The following MCF2L2 variants were observed in gnomAD, a reference collection of about 807,000 sequenced individuals.
MCF2L2 encodes MCF.2 cell line derived transforming sequence-like 2.
A neutral mutation model predicts 150.2 loss-of-function variants in MCF2L2; 102 were observed. The ratio of observed to expected loss-of-function variants is 0.68; its 90% CI spans 0.58 to 0.80. MCF2L2 has a LOEUF of 0.80. Ranked by LOEUF, MCF2L2 falls within the 30% of genes least tolerant of loss-of-function variation. The pLI is 0.00. For missense variants in MCF2L2, 1,256 were observed against 1,372.8 expected (o/e 0.91, Z 1.34); for synonymous variants, 465 against 491.3 (o/e 0.95, Z 0.71).
chr3:183,321,153 G>A (rs1729793413), intron 6 of MCF2L2, among the ~76,000 whole-genome samples: 1 of 152,138 alleles, frequency 6.6e-6, no homozygotes, highest in African/African-American at 2.4e-5. Context: ...AAATATAACA[G>A]TTGGCCGGGT....
intron 1 of MCF2L2, among the ~76,000 whole-genome samples, chr3:183,393,645 T>C (rs1462098095): frequency 6.6e-6 from 1 of 152,244 alleles, no homozygotes; most frequent in Non-Finnish European, 1.5e-5. Context: ...TATTTTACCC[T>C]GAGCCCACAG....
chr3:183,180,227 G>A, intron 27 of MCF2L2, 68 bp from the exon 28 acceptor site: 1 of 1,006,978 alleles, frequency 9.9e-7, no homozygotes, highest in Non-Finnish European at 1.6e-6. Context: ...CCCATGGCAG[G>A]GTGTAGCAGG....
chr3:183,339,254 T>A (rs1169402963), intron 4 of MCF2L2, among the ~76,000 whole-genome samples: 2 of 152,232 alleles, frequency 1.3e-5, no homozygotes, highest in African/African-American at 4.8e-5. Context: ...ATAGCCATAC[T>A]TAATATTTCC....
chr3:183,299,675 T>C (rs1315888662), intron 11 of MCF2L2: 3 of 258,644 alleles, frequency 1.2e-5, no homozygotes, highest in Non-Finnish European at 2.2e-5. Flanking sequence ...AATATAGTGC[T>C]TGGTTCTCTG....
chr3:183,284,290 A>G lies in MCF2L2; in HGVS notation c.1776+4830T>C, dbSNP rs2108471154. On this transcript the variant is annotated intron_variant, in intron 14 of 29. Coordinates refer to ENST00000328913, the MANE Select transcript of MCF2L2 (RefSeq NM_015078.4). ...TACTAGCCTGAGAAATCCAGATCCA[A>G]CTTAATGAGTTCTCCTTTATCCCAA... 1.3e-5 allele frequency among the ~76,000 whole-genome samples: 2 copies of G among 152,318 alleles called. 1 individual carries two copies.
intron 14 of MCF2L2, among the ~76,000 whole-genome samples, chr3:183,280,801 T>G (rs1290508259): frequency 2.8e-5 from 4 of 142,834 alleles, no homozygotes; most frequent in African/African-American, 1.1e-4. Flanking sequence ...TGAGCTGAGA[T>G]CACGCCACTG....
At chr3:183,274,965 GT>G (rs763718357) in intron 15 of MCF2L2, among the ~76,000 whole-genome samples, 4,661 of 143,418 alleles carry the variant, frequency 0.032, 217 homozygotes, top group African/African-American at 0.1. Flanking sequence ...CTATAGCTTG[GT>G]TTTTTTTTTT....
chr3:183,371,479 T>G (rs1263032907), intron 3 of MCF2L2, among the ~76,000 whole-genome samples: 1 of 149,550 alleles, frequency 6.7e-6, no homozygotes, highest in Non-Finnish European at 1.5e-5. Context: ...TTTTTTTTTT[T>G]TTTTTTGAGA....
chr3:183,313,092 T>C (rs1037811913), intron 7 of MCF2L2, among the ~76,000 whole-genome samples: 2 of 152,208 alleles, frequency 1.3e-5, no homozygotes, highest in Non-Finnish European at 2.9e-5. Flanking sequence ...AGAAGTCAGG[T>C]TGCAGATGAA....
chr3:183,193,235 G>A (rs1721962752), intron 26 of MCF2L2, 139 bp from the exon 27 acceptor site: 2 of 673,050 alleles, frequency 3.0e-6, no homozygotes, highest in South Asian at 1.7e-5. Flanking sequence ...TCCCTCACCT[G>A]TAGTTGAAGA....
At chr3:183,423,305 G>C (rs1410531379) in intron 1 of MCF2L2, among the ~76,000 whole-genome samples, 1 of 152,136 alleles carries the variant, frequency 6.6e-6, no homozygotes, top group East Asian at 1.9e-4. Context: ...TCTCAGTCTA[G>C]TATTTTTCTG....
chr3:183,425,013 T>A (rs1251275320), intron 1 of MCF2L2, among the ~76,000 whole-genome samples: 1 of 152,036 alleles, frequency 6.6e-6, no homozygotes, highest in Non-Finnish European at 1.5e-5. Context: ...TAGGTGCAGG[T>A]ATTATTAAAG....
chr3:183,219,036 G>T (rs892286874), intron 21 of MCF2L2, among the ~76,000 whole-genome samples: 3 of 152,150 alleles, frequency 2.0e-5, no homozygotes, highest in South Asian at 2.1e-4. Flanking sequence ...AAAGGGAAGA[G>T]AAACCGCACT....
At chr3:183,206,890 CA>C (rs1722492214) in intron 23 of MCF2L2, among the ~76,000 whole-genome samples, 3 of 118,976 alleles carry the variant, frequency 2.5e-5, no homozygotes, top group African/African-American at 6.4e-5. Context: ...GAAAGAAAGA[CA>C]AGAAAGAAAG....
intron 1 of MCF2L2, among the ~76,000 whole-genome samples, chr3:183,395,923 AAAAAAAAAAAAAAAAG>A (rs1359407730): frequency 4.1e-5 from 6 of 147,002 alleles, no homozygotes; most frequent in Non-Finnish European, 9.1e-5. Context: ...GTCTCAAAAA[AAAAAAAAAAAAAAAAG>A]AAAGAAAGAA....
At chr3:183,180,376 G>A (rs948154164) in intron 27 of MCF2L2, 5 of 509,632 alleles carry the variant, frequency 9.8e-6, no homozygotes, top group Middle Eastern at 5.2e-4. Flanking sequence ...CCGAGAAGGC[G>A]CGTCCACATG....
intron 2 of MCF2L2, among the ~76,000 whole-genome samples, chr3:183,381,232 G>A (rs1323031079): frequency 1.3e-5 from 2 of 152,224 alleles, no homozygotes; most frequent in African/African-American, 4.8e-5. Flanking sequence ...ACACATATCA[G>A]TGTGGGGTGT....
At chr3:183,359,399 C>T (rs1462185071) in intron 3 of MCF2L2, among the ~76,000 whole-genome samples, 2 of 152,210 alleles carry the variant, frequency 1.3e-5, no homozygotes, top group Non-Finnish European at 2.9e-5. Context: ...GTGGCTCATG[C>T]ACTCTGCAGG....
chr3:183,199,960 G>A (rs1471332889), intron 25 of MCF2L2, among the ~76,000 whole-genome samples: 3 of 152,020 alleles, frequency 2.0e-5, no homozygotes, highest in East Asian at 3.9e-4. Flanking sequence ...TGAACTCATT[G>A]TTTTTTATGG....
Sources: allele counts gnomAD v4.1 joint callset (sites outside exome capture counted in the v4.1 genomes callset), GRCh38; gene constraint gnomAD v4.1.1; transcripts MANE v1.5; gene names NCBI Gene and HGNC (gene_info 2026-07-23, HGNC 2026-07-21).